The following NFYC variants were observed in gnomAD, a reference collection of about 807,000 sequenced individuals.
NFYC encodes nuclear transcription factor Y subunit gamma, also known as CAAT box DNA-binding protein subunit C.
In NFYC, 25 loss-of-function variants were observed where a neutral mutation model predicts 53.1. The ratio of observed to expected loss-of-function variants is 0.47; its 90% CI spans 0.34 to 0.66. The LOEUF (loss-of-function observed/expected upper bound fraction) is 0.66. Ranked by LOEUF, NFYC falls within the 30% of genes least tolerant of loss-of-function variation. The probability of loss-of-function intolerance (pLI) is 0.01; values close to 1 mark genes in which losing one functional copy is unlikely to be tolerated. For synonymous variants in NFYC, 145 were observed against 152.6 expected, an observed-to-expected ratio of 0.95 and a Z score of 0.37; for missense variants, 260 against 422.7, an observed-to-expected ratio of 0.62 and a Z score of 3.38.
chr1:40,702,260 C>T (rs1417165281), intron 1 of NFYC, among the ~76,000 whole-genome samples: 4 of 152,054 alleles, frequency 2.6e-5, no homozygotes, highest in Admixed American at 1.3e-4. Context: ...TTACTGAGCA[C>T]CAGTGCAATG....
At chr1:40,743,903 T>C (rs1645477718) in intron 2 of NFYC, among the ~76,000 whole-genome samples, 1 of 152,232 alleles carries the variant, frequency 6.6e-6, no homozygotes, top group Admixed American at 6.5e-5. Context: ...AGGACCTTAC[T>C]TTGAGTAGCA....
chr1:40,736,628 C>T (rs1645038878), intron 1 of NFYC, among the ~76,000 whole-genome samples: 1 of 152,048 alleles, frequency 6.6e-6, no homozygotes, highest in Admixed American at 6.5e-5. Context: ...TTTAATTAAA[C>T]TGTTCTTGCA....
At chr1:40,719,189 C>T (rs981905043) in intron 1 of NFYC, among the ~76,000 whole-genome samples, 11 of 152,272 alleles carry the variant, frequency 7.2e-5, no homozygotes, top group South Asian at 4.1e-4. Context: ...TTAAATAATC[C>T]GTTGCTTTAA....
rs6689481 is a variant in NFYC at position 40,731,778 on chromosome 1, C to T, written c.-8-7058C>T. ...GGTTTACAGGCGTGAGCCACCGCGCCTGGCCCCGGCCTTTATTTTTCTTAA... is the reference window on the plus strand; with the variant it reads ...GGTTTACAGGCGTGAGCCACCGCGCTTGGCCCCGGCCTTTATTTTTCTTAA... On this transcript the variant is annotated intron_variant, in intron 1 of 9. Transcript: ENST00000447388. Among the ~76,000 whole-genome samples the T allele has an allele frequency of 8.1e-3, 1,228 of 152,390 alleles. 15 individuals are homozygous for T. The highest frequency in any genetic ancestry group is 0.028 in the African/African-American group (1,182 of 41,586).
chr1:40,758,265 A>G lies in NFYC; in HGVS notation c.532A>G (p.Ile178Val). The change falls in exon 6 of 10, where the codon ATC (isoleucine) becomes GTC (valine). Residue 178 changes from isoleucine to valine, a missense_variant. Coordinates refer to ENST00000447388, the MANE Select transcript of NFYC (RefSeq NM_014223.5). ...SSTTTIQPGQ[I>V]IIAQPQQGQT... ...CACGACCACCATCCAGCCTGGGCAG[A>G]TCATCATCGCACAGCCTCAGCAGGG... The G allele has an allele frequency of 6.2e-7, 1 of 1,613,290 alleles. No homozygotes were observed. The highest frequency in any genetic ancestry group is 8.5e-7 in the Non-Finnish European group (1 of 1,179,774).
intron 1 of NFYC, among the ~76,000 whole-genome samples, chr1:40,727,266 C>G (rs1644559475): frequency 6.6e-6 from 1 of 152,144 alleles, no homozygotes; most frequent in Non-Finnish European, 1.5e-5. Context: ...CTCTGTTGCC[C>G]AGACTGGAGT....
At chr1:40,693,406 G>A (rs1000275866) in intron 1 of NFYC, among the ~76,000 whole-genome samples, 7 of 152,092 alleles carry the variant, frequency 4.6e-5, no homozygotes, top group Non-Finnish European at 1.5e-5. Context: ...TTCCTAATTT[G>A]TTTTTCCTTG....
chr1:40,696,039 T>TG (rs1557723965), intron 1 of NFYC, among the ~76,000 whole-genome samples: 10 of 150,760 alleles, frequency 6.6e-5, no homozygotes, highest in Non-Finnish European at 5.9e-5. Flanking sequence ...TTTTTTTTTT[T>TG]TGAGATAGAG....
At chr1:40,706,623 A>G (rs771824728) in intron 1 of NFYC, among the ~76,000 whole-genome samples, 5 of 152,214 alleles carry the variant, frequency 3.3e-5, no homozygotes, top group Non-Finnish European at 7.3e-5. Context: ...TCAGGTAATG[A>G]ATGGTGAGAT....
At chr1:40,729,467 A>G (rs1019033634) in intron 1 of NFYC, among the ~76,000 whole-genome samples, 1 of 152,164 alleles carries the variant, frequency 6.6e-6, no homozygotes, top group African/African-American at 2.4e-5. Context: ...ATTGCTCCAC[A>G]TTAGGCTTTG....
chr1:40,708,725 A>C (rs1283852549), intron 1 of NFYC, among the ~76,000 whole-genome samples: 2 of 152,212 alleles, frequency 1.3e-5, no homozygotes, highest in Admixed American at 6.5e-5. Context: ...AAATCATGCA[A>C]ACTATTGTAT....
At chr1:40,744,277 C>G (rs1645499179) in intron 2 of NFYC, among the ~76,000 whole-genome samples, 1 of 152,210 alleles carries the variant, frequency 6.6e-6, no homozygotes, top group Non-Finnish European at 1.5e-5. Flanking sequence ...TTGCACAAAA[C>G]TGGTTCCTGA....
chr1:40,748,284 A>G (rs1275691630), intron 3 of NFYC, among the ~76,000 whole-genome samples: 1 of 151,912 alleles, frequency 6.6e-6, no homozygotes, highest in Non-Finnish European at 1.5e-5. Flanking sequence ...GGCACGTGCC[A>G]TCATGTCTGG....
At chr1:40,759,114 G>C (rs1178783701) in intron 6 of NFYC, among the ~76,000 whole-genome samples, 1 of 152,088 alleles carries the variant, frequency 6.6e-6, no homozygotes, top group African/African-American at 2.4e-5. Flanking sequence ...GCTCATGCCT[G>C]TAATCCCAAC....
intron 1 of NFYC, among the ~76,000 whole-genome samples, chr1:40,701,909 G>A (rs1643454289): frequency 6.6e-6 from 1 of 152,210 alleles, no homozygotes; most frequent in African/African-American, 2.4e-5. Context: ...AAAGTGGTGA[G>A]GAGGGATTAA....
chr1:40,703,155 A>C (rs1447691849), intron 1 of NFYC, among the ~76,000 whole-genome samples: 2 of 152,094 alleles, frequency 1.3e-5, no homozygotes, highest in Non-Finnish European at 2.9e-5. Context: ...CGAAACTTAA[A>C]ATAGAAAGAT....
At chr1:40,734,232 C>G (rs1254625928) in intron 1 of NFYC, among the ~76,000 whole-genome samples, 4 of 152,126 alleles carry the variant, frequency 2.6e-5, no homozygotes, top group Non-Finnish European at 4.4e-5. Context: ...AAGATGAACC[C>G]AGAATATTTT....
chr1:40,718,281 T>C (rs1644210523), intron 1 of NFYC, among the ~76,000 whole-genome samples: 1 of 152,118 alleles, frequency 6.6e-6, no homozygotes, highest in African/African-American at 2.4e-5. Context: ...ACGATTATCA[T>C]CCCCCATTTT....
rs142339790 is a variant in NFYC at position 40,749,493 on chromosome 1, A to G, written c.178-80A>G. ...TTTTTGACCCTTGCCCCATAGTCCC[A>G]TGCCAGGCAATGAGGCAAGAGACAG... On this transcript the variant is annotated intron_variant, in intron 3 of 9. Coordinates refer to ENST00000447388, the MANE Select transcript of NFYC (RefSeq NM_014223.5). 1.2e-3 allele frequency: 1,288 copies of G among 1,098,506 alleles called. 11 individuals carry two copies. In the African/African-American group the frequency reaches 0.018, roughly 15 times the overall value. 68.0% of individuals were successfully genotyped at this position (1,098,506 alleles called of 1,614,324 possible). A position where few individuals can be genotyped will look rare whatever the true frequency, so the allele number is the denominator to read the frequency against.
Sources: allele counts gnomAD v4.1 joint callset (sites outside exome capture counted in the v4.1 genomes callset), GRCh38; gene constraint gnomAD v4.1.1; transcripts MANE v1.5; gene names NCBI Gene and HGNC (gene_info 2026-07-23, HGNC 2026-07-21).